KCNMA1: variants seen among roughly 807,000 people sequenced by gnomAD.
KCNMA1 encodes the protein potassium calcium-activated channel subfamily M alpha 1, also known as Calcium-activated potassium channel subunit alpha-1.
KCNMA1 carries 29 observed loss-of-function variants against 140.0 expected under a neutral mutation model. The ratio of observed to expected loss-of-function variants is 0.21; its 90% confidence interval spans 0.15 to 0.28. The LOEUF (loss-of-function observed/expected upper bound fraction) is 0.28, where lower values mean the gene tolerates loss of function less well. Among genes scored for constraint, KCNMA1 ranks in the 10% least tolerant of loss-of-function variants. The pLI is 1.00. For synonymous variants in KCNMA1, 612 were observed against 611.9 expected (o/e 1.00, Z 0.00); for missense variants, 880 against 1,602.2 (o/e 0.55, Z 7.70).
In KCNMA1 at chr10:77,001,600, T is replaced by C; in HGVS notation, c.2093-20A>G. On this transcript the variant is annotated intron_variant, in intron 18 of 27. Coordinates refer to ENST00000286628, the MANE Select transcript of KCNMA1 (RefSeq NM_001161352.2). ...TCTTGGCTATAACCGTGTGGTTGGA[T>C]GGGAGGAGAGGAAGAGCGGCAATTA... The C allele has an allele frequency of 5.2e-6, 8 of 1,544,974 alleles. No individual in the cohort carries two copies. The highest frequency in any genetic ancestry group is 7.0e-6 in the Non-Finnish European group (8 of 1,141,556).
chr10:77,527,064 C>T (rs879773016), intron 1 of KCNMA1, among the ~76,000 whole-genome samples: 7 of 152,238 alleles, frequency 4.6e-5, no homozygotes, highest in African/African-American at 7.2e-5. Flanking sequence ...CTTCTGGGAG[C>T]TCGTCATGTC....
intron 1 of KCNMA1, among the ~76,000 whole-genome samples, chr10:77,490,795 C>T (rs2098522889): frequency 6.6e-6 from 1 of 152,218 alleles, no homozygotes; most frequent in Non-Finnish European, 1.5e-5. Flanking sequence ...CAGGTAAATA[C>T]TCACAGTCTT....
chr10:77,048,137 TTAC>T (rs1333000326), intron 14 of KCNMA1, among the ~76,000 whole-genome samples: 6 of 17,936 alleles, frequency 3.3e-4, no homozygotes, highest in Non-Finnish European at 6.1e-4. Flanking sequence ...TAAATAAGAA[TTAC>T]AAAAAAATGA....
intron 1 of KCNMA1, among the ~76,000 whole-genome samples, chr10:77,596,996 G>A (rs1037275517): frequency 1.3e-5 from 2 of 152,144 alleles, no homozygotes; most frequent in African/African-American, 4.8e-5. Flanking sequence ...AGAGAAATTG[G>A]CGACAACCTT....
At chr10:76,947,783 A>T (rs958100863) in intron 22 of KCNMA1, among the ~76,000 whole-genome samples, 22 of 152,190 alleles carry the variant, frequency 1.4e-4, no homozygotes, top group Non-Finnish European at 1.2e-4. Flanking sequence ...TGTGTCAGGC[A>T]TTATGTAAAG....
chr10:77,173,507 CA>C (rs2098726588), intron 5 of KCNMA1, among the ~76,000 whole-genome samples: 1 of 152,122 alleles, frequency 6.6e-6, no homozygotes, highest in East Asian at 1.9e-4. Flanking sequence ...CACATACATA[CA>C]TATATATACA....
In KCNMA1 at chr10:77,068,430, G is replaced by T. The variant is rs896970992; in HGVS notation, c.1749+4667C>A. Among the ~76,000 whole-genome samples the T allele has an allele frequency of 3.0e-4, 45 of 152,050 alleles. 2 individuals are homozygous for T. The highest frequency in any genetic ancestry group is 2.9e-3 in the Admixed American group (44 of 15,266). On this transcript the variant is annotated intron_variant, in intron 14 of 27. Coordinates refer to ENST00000286628, the MANE Select transcript of KCNMA1 (RefSeq NM_001161352.2). Reference sequence around the variant, plus strand: ...TGGTTAGTGCTAGGACAAAAACTTTGTGTGTCCAGCCATATCCACTTCAGC... The same window carrying T: ...TGGTTAGTGCTAGGACAAAAACTTTTTGTGTCCAGCCATATCCACTTCAGC...
chr10:77,599,246 T>C (rs1181488941), intron 1 of KCNMA1, among the ~76,000 whole-genome samples: 2 of 152,238 alleles, frequency 1.3e-5, no homozygotes, highest in Non-Finnish European at 2.9e-5. Context: ...TCCTCTATTG[T>C]GTTTTCCAAT....
At chr10:76,906,573 A>G (rs192011602) in intron 25 of KCNMA1, among the ~76,000 whole-genome samples, 1 of 152,352 alleles carries the variant, frequency 6.6e-6, no homozygotes, top group African/African-American at 2.4e-5. Flanking sequence ...TGATTAAATG[A>G]CAATTTGGGG....
At chr10:77,508,358 T>C (rs1192840049) in intron 1 of KCNMA1, among the ~76,000 whole-genome samples, 2 of 142,810 alleles carry the variant, frequency 1.4e-5, no homozygotes, top group Admixed American at 7.0e-5. Flanking sequence ...TTTTTTTTTG[T>C]AATTTTTGTA....
chr10:77,451,423 G>A (rs1308650250), intron 1 of KCNMA1, among the ~76,000 whole-genome samples: 2 of 152,166 alleles, frequency 1.3e-5, no homozygotes, highest in South Asian at 2.1e-4. Context: ...CTTCAACCTC[G>A]ACCCTGTCTT....
At chr10:77,138,059 G>A (rs774974176) in intron 5 of KCNMA1, among the ~76,000 whole-genome samples, 12 of 152,142 alleles carry the variant, frequency 7.9e-5, no homozygotes, top group East Asian at 7.8e-4. Context: ...TGGGATTGTC[G>A]CCCATTCATT....
chr10:77,039,452 A>T (rs959655586), intron 15 of KCNMA1, 76 bp downstream of exon 15: 7 of 851,000 alleles, frequency 8.2e-6, no homozygotes, highest in Non-Finnish European at 1.4e-5. Context: ...TACCCAGCAG[A>T]GGTGGGAGGC....
At chr10:77,407,896 T>G (rs2097059730) in intron 1 of KCNMA1, among the ~76,000 whole-genome samples, 1 of 151,882 alleles carries the variant, frequency 6.6e-6, no homozygotes, top group Non-Finnish European at 1.5e-5. Flanking sequence ...CTGGCCAGAG[T>G]GAACCTTTAA....
At chr10:77,428,361 G>A (rs2097072961) in intron 1 of KCNMA1, among the ~76,000 whole-genome samples, 1 of 152,194 alleles carries the variant, frequency 6.6e-6, no homozygotes, top group African/African-American at 2.4e-5. Flanking sequence ...CGAGGTCTCT[G>A]ATGAGACTTA....
chr10:76,894,227 G>C (rs1334910007), intron 25 of KCNMA1, among the ~76,000 whole-genome samples: 1 of 152,168 alleles, frequency 6.6e-6, no homozygotes, highest in East Asian at 1.9e-4. Context: ...CAATGGAGAA[G>C]TTAATATAGT....
intron 3 of KCNMA1, among the ~76,000 whole-genome samples, chr10:77,207,771 G>A (rs1170114221): frequency 6.6e-6 from 1 of 152,210 alleles, no homozygotes; most frequent in Non-Finnish European, 1.5e-5. Flanking sequence ...CCTTGAGCCT[G>A]TGATGGCCAA....
At chr10:77,144,575 T>C (rs2098251988) in intron 5 of KCNMA1, among the ~76,000 whole-genome samples, 1 of 152,230 alleles carries the variant, frequency 6.6e-6, no homozygotes, top group African/African-American at 2.4e-5. Context: ...ATGCATTTTA[T>C]TGCATGTATA....
At chr10:77,448,855 A>G (rs907732415) in intron 1 of KCNMA1, among the ~76,000 whole-genome samples, 2 of 152,100 alleles carry the variant, frequency 1.3e-5, no homozygotes, top group Non-Finnish European at 2.9e-5. Context: ...TTGGGAGGCC[A>G]AGGCGGGCAG....
Sources: gnomAD v4.1 joint callset for allele counts (sites outside exome capture counted in the v4.1 genomes callset) on GRCh38, gnomAD v4.1.1 for gene constraint, MANE v1.5 for transcripts, NCBI Gene and HGNC (gene_info 2026-07-23, HGNC 2026-07-21) for gene names.